The following GAS6 variants were observed in gnomAD, a reference collection of about 807,000 sequenced individuals.
GAS6 encodes growth arrest-specific protein 6.
In GAS6, 41 loss-of-function variants were observed where a neutral mutation model predicts 75.8. The ratio of observed to expected loss-of-function variants is 0.54; its 90% CI spans 0.42 to 0.70. GAS6 has a LOEUF of 0.70. GAS6 is among the 30% of genes least tolerant of loss of function. The pLI is 0.00. For synonymous variants in GAS6, 432 were observed against 412.6 expected, an observed-to-expected ratio of 1.05 and a Z score of -0.57; for missense variants, 854 against 940.2, an observed-to-expected ratio of 0.91 and a Z score of 1.20.
intron 7 of GAS6, 147 bp from the exon 8 acceptor site, chr13:113,834,819 C>T (rs1234375333): frequency 3.8e-6 from 3 of 786,646 alleles, no homozygotes; most frequent in African/African-American, 2.1e-5. Flanking sequence ...GGGGTCGCGT[C>T]CCCCCCCACT....
chr13:113,824,908 T>C (rs2051514961), intron 12 of GAS6, among the ~76,000 whole-genome samples: 1 of 152,134 alleles, frequency 6.6e-6, no homozygotes, highest in Non-Finnish European at 1.5e-5. Flanking sequence ...AAGGGAGAGA[T>C]GATGGTGTTC....
chr13:113,829,862 G>A (rs953331422), intron 10 of GAS6, among the ~76,000 whole-genome samples: 2 of 151,676 alleles, frequency 1.3e-5, no homozygotes, highest in South Asian at 2.1e-4. Context: ...CCTGAGCCAA[G>A]AGGGTCCCAA....
chr13:113,828,525 C>A, intron 11 of GAS6, 22 bp downstream of exon 11: 5 of 1,604,282 alleles, frequency 3.1e-6, no homozygotes, highest in Non-Finnish European at 4.3e-6. Flanking sequence ...CGCGTCTACA[C>A]AGGGACAGGT....
At chr13:113,842,379 C>T in intron 4 of GAS6, 1 of 392,092 alleles carries the variant, frequency 2.6e-6, no homozygotes, top group South Asian at 1.4e-4. Context: ...CACACAGGGG[C>T]TGGGGCTGGC....
intron 13 of GAS6, 33 bp from the exon 14 acceptor site, chr13:113,822,219 C>T (rs879218442): frequency 3.5e-5 from 52 of 1,470,472 alleles, no homozygotes; most frequent in Non-Finnish European, 4.5e-5. Flanking sequence ...CAGGGCCTGC[C>T]GGCCACCCCT....
intron 3 of GAS6, chr13:113,847,671 A>ACC (rs2051844838): frequency 7.0e-6 from 2 of 287,244 alleles, no homozygotes; most frequent in Non-Finnish European, 1.3e-5. Flanking sequence ...ATGAACATGG[A>ACC]CCCCTTTGGG....
At chr13:113,821,362 A>G (rs1365643517) in intron 14 of GAS6, 2 of 269,542 alleles carry the variant, frequency 7.4e-6, no homozygotes, top group Non-Finnish European at 1.4e-5. Flanking sequence ...CTGTTTATTA[A>G]AACTAAGTGG....
rs754832983 is a variant in GAS6, at chr13:113,821,096, G to A, written c.1883-78C>T. 1.3e-4 allele frequency: 190 copies of A among 1,507,370 alleles called. 1 individual carries two copies. The highest frequency in any genetic ancestry group is 1.9e-4 in the East Asian group (8 of 43,178). 93.4% of individuals were successfully genotyped at this position (1,507,370 alleles called of 1,614,324 possible). A position where few individuals can be genotyped will look rare whatever the true frequency, so the allele number is the denominator to read the frequency against. ...GCCTGGCCCCCCCACCCCCGGCAGC[G>A]CTTGTGGCCAGCCCCGGGTTCCCTC... is the stretch of plus-strand genomic sequence containing the variant. On this transcript the variant is annotated intron_variant, in intron 14 of 14. Coordinates refer to ENST00000327773, the MANE Select transcript of GAS6 (RefSeq NM_000820.4).
chr13:113,828,807 A>G, intron 10 of GAS6, 96 bp from the exon 11 acceptor site: 2 of 1,431,300 alleles, frequency 1.4e-6, no homozygotes, highest in South Asian at 1.3e-5. Context: ...CTGAGCCAAG[A>G]GGGTCCCGAC....
chr13:113,848,134 C>A lies in GAS6; in HGVS notation c.256-84G>T. On this transcript the variant is annotated intron_variant, in intron 2 of 14. Coordinates refer to ENST00000327773, the MANE Select transcript of GAS6 (RefSeq NM_000820.4). This position sits in a 1 kb window ranked among gnomAD's most constrained non-coding sequence, Gnocchi z 4.8. ...ACAACATAAGCATCAGCTGGTTAAT[C>A]AGAGGCTGCTCTCGGGGCAGCCAGA... 1 of 1,474,992 alleles carries A rather than the reference C, an allele frequency of 6.8e-7. No individual in the cohort carries two copies. 91.4% of individuals were successfully genotyped at this position (1,474,992 alleles called of 1,614,324 possible).
chr13:113,821,931 G>T lies in GAS6; in HGVS notation c.1882+27C>A, dbSNP rs745832801. On this transcript the variant is annotated intron_variant, in intron 14 of 14. Coordinates refer to ENST00000327773, the MANE Select transcript of GAS6 (RefSeq NM_000820.4). Reference sequence around the variant, plus strand: ...TGGGCCTCCCTGGAGCTCTTCACCCGGGTTGAGCGGAGCAGGGAGCACCTA... The same window carrying T: ...TGGGCCTCCCTGGAGCTCTTCACCCTGGTTGAGCGGAGCAGGGAGCACCTA... The T allele has an allele frequency of 4.0e-6, 6 of 1,493,380 alleles. No individual in the cohort carries two copies. The South Asian group carries it at 7.6e-5, about 19-fold the overall frequency. 92.5% of individuals were successfully genotyped at this position (1,493,380 alleles called of 1,614,324 possible).
At chr13:113,851,716 C>T (rs1255420217) in intron 2 of GAS6, among the ~76,000 whole-genome samples, 1 of 152,194 alleles carries the variant, frequency 6.6e-6, no homozygotes, top group African/African-American at 2.4e-5. Context: ...CAAGGGCCTG[C>T]AGTTTTCACT....
intron 8 of GAS6, chr13:113,833,068 T>G (rs2051650309): frequency 4.8e-6 from 6 of 1,253,114 alleles, no homozygotes; most frequent in Non-Finnish European, 6.1e-6. Flanking sequence ...CAGAGAATCA[T>G]TAAAAAGTAT....
intron 11 of GAS6, among the ~76,000 whole-genome samples, chr13:113,827,590 AG>A (rs201113034): frequency 2.0e-5 from 3 of 149,040 alleles, no homozygotes; most frequent in East Asian, 3.9e-4. Context: ...GGGCCTGGGA[AG>A]CAGGTGCCCC....
intron 2 of GAS6, among the ~76,000 whole-genome samples, chr13:113,849,228 G>A (rs958580723): frequency 6.6e-6 from 1 of 152,214 alleles, no homozygotes; most frequent in Non-Finnish European, 1.5e-5. Context: ...GGGTGAGCTG[G>A]TGTGCAGCTC....
chr13:113,820,769 C>A lies in GAS6; in HGVS notation c.*95G>T. The A allele has an allele frequency of 7.3e-7, 1 of 1,364,104 alleles. No homozygotes were observed. Among genetic ancestry groups the A allele is most frequent in the South Asian group, 1.3e-5 (1 of 75,842 alleles). The allele number at this position is 1,364,104 out of a possible 1,614,324, so 84.5% of individuals were successfully genotyped here. A position where few individuals can be genotyped will look rare whatever the true frequency, so the allele number is the denominator to read the frequency against. ...GCCGGGATGGTCACAGAGGAAAGCC[C>A]AGCTCTCAGCATGGCCCCACGTGGT... On this transcript the variant is annotated 3_prime_UTR_variant, in exon 15 of 15. Transcript: ENST00000327773.
chr13:113,822,491 G>A (rs951092414), intron 13 of GAS6: 1 of 292,230 alleles, frequency 3.4e-6, no homozygotes, highest in Non-Finnish European at 6.4e-6. Context: ...ACACAAGACC[G>A]AGGCTGCACT....
In GAS6 at chr13:113,857,972, C is replaced by T. The variant is rs886586585; in HGVS notation, c.255+5603G>A. ...ACGGAAGACGGCCCTCAGAGGAGGC[C>T]GGGCCGGGGTCCACCTGCAGGCCTC... is the stretch of plus-strand genomic sequence containing the variant. On this transcript the variant is annotated intron_variant, in intron 2 of 14. Coordinates refer to ENST00000327773, the MANE Select transcript of GAS6 (RefSeq NM_000820.4). 7.2e-5 allele frequency among the ~76,000 whole-genome samples: 11 copies of T among 152,380 alleles called. 1 individual carries two copies. Among genetic ancestry groups the T allele is most frequent in the Middle Eastern group, 6.8e-3 (2 of 294 alleles).
chr13:113,821,041 CAT>C (rs767338345), intron 14 of GAS6, 23 bp from the exon 15 acceptor site: 2 of 1,606,434 alleles, frequency 1.2e-6, no homozygotes, highest in Non-Finnish European at 1.7e-6. Context: ...GAGAGAACAA[CAT>C]ATCTTAGCTC....
Sources: allele counts gnomAD v4.1 joint callset (sites outside exome capture counted in the v4.1 genomes callset), GRCh38; gene constraint gnomAD v4.1.1; non-coding constraint Gnocchi (gnomAD v3.1); transcripts MANE v1.5; gene names NCBI Gene and HGNC (gene_info 2026-07-23, HGNC 2026-07-21).